The following SLC24A4 variants were observed in gnomAD, a reference collection of about 807,000 sequenced individuals.
SLC24A4 encodes the protein solute carrier family 24 member 4, also known as sodium/potassium/calcium exchanger 4.
Under a neutral mutation model 79.0 loss-of-function variants are expected in SLC24A4, and 53 were observed. The observed-to-expected ratio is 0.67, with a 90% CI of 0.54 to 0.84. The LOEUF is 0.84. Ranked by LOEUF, SLC24A4 falls within the 40% of genes least tolerant of loss-of-function variation. The probability of loss-of-function intolerance (pLI) is 0.00; values close to 1 mark genes in which losing one functional copy is unlikely to be tolerated. For synonymous variants in SLC24A4, 323 were observed against 323.8 expected, an observed-to-expected ratio of 1.00 and a Z score of 0.03; for missense variants, 731 against 822.0, an observed-to-expected ratio of 0.89 and a Z score of 1.35.
intron 8 of SLC24A4, among the ~76,000 whole-genome samples, chr14:92,446,084 T>G (rs1160277130): frequency 1.3e-5 from 2 of 152,188 alleles, no homozygotes; most frequent in African/African-American, 4.8e-5. Context: ...ATGTTTCCAC[T>G]CTATTTGATA....
chr14:92,423,691 C>T (rs2141823884), intron 2 of SLC24A4, among the ~76,000 whole-genome samples: 2 of 152,340 alleles, frequency 1.3e-5, no homozygotes, highest in Middle Eastern at 3.4e-3. Context: ...GCTGTCATCA[C>T]TTGCGTTTGG....
intron 11 of SLC24A4, among the ~76,000 whole-genome samples, chr14:92,454,539 A>G (rs1024518774): frequency 2.6e-5 from 4 of 152,188 alleles, no homozygotes; most frequent in African/African-American, 9.6e-5. Context: ...AATGATTTTA[A>G]TATTATTTAA....
intron 2 of SLC24A4, among the ~76,000 whole-genome samples, chr14:92,399,922 CAG>C (rs1220276525): frequency 6.6e-6 from 1 of 152,004 alleles, no homozygotes; most frequent in Non-Finnish European, 1.5e-5. Context: ...TTTTTTGAGA[CAG>C]AGTTTTACTC....
chr14:92,356,103 A>G (rs1407410253), intron 2 of SLC24A4, among the ~76,000 whole-genome samples: 1 of 152,224 alleles, frequency 6.6e-6, no homozygotes, highest in African/African-American at 2.4e-5. Flanking sequence ...GAGAGTCAAC[A>G]TTTTATGATA....
intron 2 of SLC24A4, among the ~76,000 whole-genome samples, chr14:92,330,597 A>G (rs1049716031): frequency 2.0e-5 from 3 of 152,238 alleles, no homozygotes; most frequent in African/African-American, 7.2e-5. Flanking sequence ...GCAAAATATC[A>G]TAGACAGGAT....
chr14:92,487,871 G>A (rs765633921), intron 14 of SLC24A4, among the ~76,000 whole-genome samples: 1 of 151,962 alleles, frequency 6.6e-6, no homozygotes, highest in Non-Finnish European at 1.5e-5. Context: ...CAGTGGTCAC[G>A]CAATCCTTGG....
At chr14:92,373,598 A>C (rs1888328651) in intron 2 of SLC24A4, among the ~76,000 whole-genome samples, 1 of 152,018 alleles carries the variant, frequency 6.6e-6, no homozygotes, top group Admixed American at 6.6e-5. Flanking sequence ...CATCCGAACA[A>C]CTCAGGACTG....
Position 92,499,067 on chromosome 14 carries a change from A to G in SLC24A4, c.*5439A>G, listed in dbSNP as rs984704452. The G allele has an allele frequency of 1.3e-5, 2 of 151,960 alleles. No individual in the cohort carries two copies. Among genetic ancestry groups the G allele is most frequent in the African/African-American group, 4.8e-5 (2 of 41,332 alleles). 9.4% of individuals were successfully genotyped at this position (151,960 alleles called of 1,614,324 possible). A position where few individuals can be genotyped will look rare whatever the true frequency, so the allele number is the denominator to read the frequency against. On this transcript the variant is annotated 3_prime_UTR_variant, in exon 17 of 17. Transcript: ENST00000532405. ...TTTGGTTATTTTATGGGGGTTTTAA[A>G]CCTCCTAACTTTTCAATGACAAATG...
At chr14:92,416,119 TGTG>T (rs1395560904) in intron 2 of SLC24A4, among the ~76,000 whole-genome samples, 2 of 129,812 alleles carry the variant, frequency 1.5e-5, no homozygotes, top group Non-Finnish European at 3.2e-5. Flanking sequence ...TATTTGTGTG[TGTG>T]GTGTGTGTGT....
rs746161275 is a variant in SLC24A4, at chr14:92,482,854, G to C, written c.1422+8G>C. 4 of 1,604,508 alleles carry C rather than the reference G, an allele frequency of 2.5e-6. No individual in the cohort carries two copies. The highest frequency in any genetic ancestry group is 4.5e-5 in the East Asian group (2 of 44,652). On this transcript the variant is annotated splice_region_variant and intron_variant, in intron 13 of 16. Transcript: ENST00000532405. ...TACATCATGGTGTGGCTGGTGAGTG[G>C]GGGGAGCAGGGGGTGGACTGTGTGC... is the stretch of plus-strand genomic sequence containing the variant.
chr14:92,333,064 C>G (rs930810973), intron 2 of SLC24A4, among the ~76,000 whole-genome samples: 2 of 152,184 alleles, frequency 1.3e-5, no homozygotes, highest in Admixed American at 6.6e-5. Flanking sequence ...ATTTCCCCCT[C>G]TCTAACACTG....
At chr14:92,440,418 C>A (rs988437890) in intron 4 of SLC24A4, among the ~76,000 whole-genome samples, 2 of 152,122 alleles carry the variant, frequency 1.3e-5, no homozygotes, top group Non-Finnish European at 2.9e-5. Context: ...TGCGCTGCAG[C>A]GATGGCGGTT....
Position 92,494,342 on chromosome 14 carries a change from C to T in SLC24A4, c.*714C>T, listed in dbSNP as rs984606058. 6 of 152,622 alleles carry T rather than the reference C, an allele frequency of 3.9e-5. No individual in the cohort carries two copies. Among genetic ancestry groups the T allele is most frequent in the African/African-American group, 1.4e-4 (6 of 41,436 alleles). 9.5% of individuals were successfully genotyped at this position (152,622 alleles called of 1,614,324 possible). The stretch of plus-strand genomic sequence containing the variant: ...ATGAAACATCATATAGGTCATCATA[C>T]TTGAAAATTATCATTCCATATGAAA... On this transcript the variant is annotated 3_prime_UTR_variant, in exon 17 of 17. Coordinates refer to ENST00000532405, the MANE Select transcript of SLC24A4 (RefSeq NM_153646.4). The surrounding 1 kb of genome is among the most constrained non-coding windows in gnomAD (Gnocchi z 4.6).
At chr14:92,411,309 A>G (rs1161050235) in intron 2 of SLC24A4, among the ~76,000 whole-genome samples, 2 of 152,136 alleles carry the variant, frequency 1.3e-5, no homozygotes, top group Non-Finnish European at 2.9e-5. Flanking sequence ...CAAGCTGTCT[A>G]TCTACTTCCC....
At chr14:92,412,819 C>G (rs1445399439) in intron 2 of SLC24A4, among the ~76,000 whole-genome samples, 1 of 152,196 alleles carries the variant, frequency 6.6e-6, no homozygotes, top group Non-Finnish European at 1.5e-5. Context: ...CAATCAACTA[C>G]AGCCTGCGGG....
intron 12 of SLC24A4, among the ~76,000 whole-genome samples, chr14:92,481,507 TAAC>T (rs897076738): frequency 1.3e-5 from 2 of 152,204 alleles, no homozygotes; most frequent in Non-Finnish European, 2.9e-5. Flanking sequence ...GGTCAAATAA[TAAC>T]AATTCTGTGG....
rs1472804719 is a variant in SLC24A4 at position 92,383,073 on chromosome 14, C to T, written c.242-50839C>T. ...ACGTGTGGACCCCTGAGTAGTTGGC[C>T]GGCTGCCTGCTCGCTTGACTCCCCA... On this transcript the variant is annotated intron_variant, in intron 2 of 16. Coordinates refer to ENST00000532405, the MANE Select transcript of SLC24A4 (RefSeq NM_153646.4). 2.5e-4 allele frequency among the ~76,000 whole-genome samples: 38 copies of T among 152,100 alleles called. 1 individual carries two copies. Among genetic ancestry groups the T allele is most frequent in the Admixed American group, 2.5e-3 (38 of 15,284 alleles).
intron 13 of SLC24A4, among the ~76,000 whole-genome samples, chr14:92,486,038 C>T (rs531938018): frequency 2.0e-5 from 3 of 152,308 alleles, no homozygotes; most frequent in South Asian, 4.1e-4. Flanking sequence ...CAGCACCCTG[C>T]GCTTACTTTC....
chr14:92,449,357 C>T (rs1670434235), intron 10 of SLC24A4, 141 bp downstream of exon 10: 10 of 1,228,510 alleles, frequency 8.1e-6, no homozygotes, highest in South Asian at 6.1e-5. Flanking sequence ...AATTGTCACT[C>T]TCTTACCTTT....
Sources: gnomAD v4.1 joint callset for allele counts (sites outside exome capture counted in the v4.1 genomes callset) on GRCh38, gnomAD v4.1.1 for gene constraint, Gnocchi (gnomAD v3.1) non-coding constraint, MANE v1.5 for transcripts, NCBI Gene and HGNC (gene_info 2026-07-23, HGNC 2026-07-21) for gene names.